The following SIM2 variants were observed in gnomAD, a reference collection of about 807,000 sequenced individuals.
SIM2 encodes the protein single-minded homolog 2.
SIM2 carries 28 observed loss-of-function variants against 64.8 expected under a neutral mutation model. The observed-to-expected ratio is 0.43, with a 90% CI of 0.32 to 0.59. The LOEUF is 0.59. SIM2 is among the 20% of genes least tolerant of loss of function. The probability of loss-of-function intolerance (pLI) is 0.07; values close to 1 mark genes in which losing one functional copy is unlikely to be tolerated. For synonymous variants in SIM2, 408 were observed against 391.1 expected (o/e 1.04, Z -0.51); for missense variants, 847 against 871.4 (o/e 0.97, Z 0.35).
Position 36,747,086 on chromosome 21 carries a change from G to C in SIM2, c.1577-579G>C, listed in dbSNP as rs1466272866. Among the ~76,000 whole-genome samples the C allele has an allele frequency of 1.4e-5, 2 of 138,972 alleles. No individual in the cohort carries two copies. The highest frequency in any genetic ancestry group is 5.7e-5 in the African/African-American group (2 of 34,906). The allele number at this position is 138,972 out of a possible 152,430, so 91.2% of individuals were successfully genotyped here. On this transcript the variant is annotated intron_variant, in intron 10 of 10. Transcript: ENST00000290399. The surrounding 1 kb of genome is among the most constrained non-coding windows in gnomAD (Gnocchi z 4.5). Reference sequence around the variant, plus strand: ...CAAGCCAGGGAGCTACTTAATGTCAGGCATCGGACTGAGTAGATGGGAGTG... The same window carrying C: ...CAAGCCAGGGAGCTACTTAATGTCACGCATCGGACTGAGTAGATGGGAGTG...
At position 36,744,768 on chromosome 21, in the gene SIM2, A is replaced by G; in HGVS notation, c.1208A>G (p.Gln403Arg). The stretch of plus-strand genomic sequence containing the variant: ...CAAATGGACAAACTGGAATGCGGCC[A>G]GCTCGGAAACTGGAGAGCCAGTCCC... ...SFQMDKLECG[Q>R]LGNWRASPPA... Residue 403 changes from glutamine to arginine, a missense_variant, in exon 10 of 11, where the codon CAG becomes CGG. Gln to Arg is a conservative substitution (Grantham distance 43). Coordinates refer to ENST00000290399, the MANE Select transcript of SIM2 (RefSeq NM_005069.6). 6.2e-7 allele frequency: 1 copy of G among 1,612,068 alleles called. No individual in the cohort carries two copies. The highest frequency in any genetic ancestry group is 8.5e-7 in the Non-Finnish European group (1 of 1,179,090).
At chr21:36,717,080 G>C (rs367879891) in intron 3 of SIM2, among the ~76,000 whole-genome samples, 1 of 152,024 alleles carries the variant, frequency 6.6e-6, no homozygotes, top group Non-Finnish European at 1.5e-5. Flanking sequence ...TCACAGACTC[G>C]AGCCTTCAGA....
chr21:36,721,791 G>A (rs985792399), intron 4 of SIM2, among the ~76,000 whole-genome samples: 4 of 152,000 alleles, frequency 2.6e-5, no homozygotes, highest in African/African-American at 7.3e-5. Flanking sequence ...CCCTACCCCC[G>A]GTTTCATTTT....
At chr21:36,722,327 G>A (rs1165226219) in intron 4 of SIM2, among the ~76,000 whole-genome samples, 1 of 152,190 alleles carries the variant, frequency 6.6e-6, no homozygotes, top group Non-Finnish European at 1.5e-5. Flanking sequence ...CCACAGGGCA[G>A]TGACCTCAGG....
chr21:36,723,482 C>T (rs554180271), intron 5 of SIM2, among the ~76,000 whole-genome samples: 67 of 152,324 alleles, frequency 4.4e-4, no homozygotes, highest in Admixed American at 1.2e-3. Context: ...CAGTGGTATC[C>T]AGAGCACGGA....
At position 36,746,561 on chromosome 21, in the gene SIM2, C is replaced by T. The variant is rs532693226; in HGVS notation, c.1577-1104C>T. ...AGAGATAGATTACGGGAGAATGCCG[C>T]CTTTCTGGAAATCACTAGGACATGT... On this transcript the variant is annotated intron_variant, in intron 10 of 10. Transcript: ENST00000290399. 3.9e-5 allele frequency among the ~76,000 whole-genome samples: 6 copies of T among 152,308 alleles called. No homozygotes were observed. The South Asian group carries it at 8.3e-4, about 21-fold the overall frequency.
Position 36,731,315 on chromosome 21 carries a change from C to T in SIM2, c.850+164C>T, listed in dbSNP as rs188248879. Among the ~76,000 whole-genome samples, 56 of 152,292 alleles carry T rather than the reference C, an allele frequency of 3.7e-4. No homozygotes were observed. In the East Asian group the frequency reaches 9.1e-3, roughly 25 times the overall value. Reference sequence around the variant, plus strand: ...GCTTCCTCCACCCCGTGATTAAGTACGGCTGCCTGTTGTCGGTTCTCAAGC... The same window carrying T: ...GCTTCCTCCACCCCGTGATTAAGTATGGCTGCCTGTTGTCGGTTCTCAAGC... On this transcript the variant is annotated intron_variant, in intron 7 of 10. Transcript: ENST00000290399.
Position 36,699,802 on chromosome 21 carries a change from A to G in SIM2, c.56A>G (p.Glu19Gly). ...ACCAGGAGGGAGAAGGAAAATGGCG[A>G]GTTTTACGAGCTTGCCAAGCTGCTC... ...AKTRREKENG[E>G]FYELAKLLPL... Residue 19 changes from glutamate to glycine, a missense_variant, in exon 1 of 11, where the codon GAG becomes GGG. Glu to Gly is a moderately conservative substitution (Grantham distance 98, BLOSUM62 -2). Transcript: ENST00000290399. This position sits in a 1 kb window ranked among gnomAD's most constrained non-coding sequence, Gnocchi z 5.6. The G allele has an allele frequency of 1.2e-6, 2 of 1,612,666 alleles. No individual in the cohort carries two copies. Among genetic ancestry groups the G allele is most frequent in the Non-Finnish European group, 1.7e-6 (2 of 1,179,384 alleles).
In SIM2 at chr21:36,711,136, TA is replaced by T. The variant is rs562579710; in HGVS notation, c.259-1396del. 3.7e-3 allele frequency among the ~76,000 whole-genome samples: 564 copies of T among 152,322 alleles called. 5 individuals carry two copies. The highest frequency in any genetic ancestry group is 0.01 in the Middle Eastern group (3 of 294). ...ACCCAACATTTTCCATTAAGAATAT[TA>T]TTTTTTTAGCTACTGCTGGCAACTT... On this transcript the variant is annotated intron_variant, in intron 2 of 10. Coordinates refer to ENST00000290399, the MANE Select transcript of SIM2 (RefSeq NM_005069.6).
rs1416754540 is a variant in SIM2 at position 36,749,110 on chromosome 21, T to C, written c.*1018T>C. ...ACAGCGAGAAAACTTCGTAAGAACATGTTACGTGTGCAACAGGTAAACAGA... is the reference window on the plus strand; with the variant it reads ...ACAGCGAGAAAACTTCGTAAGAACACGTTACGTGTGCAACAGGTAAACAGA... On this transcript the variant is annotated 3_prime_UTR_variant, in exon 11 of 11. Coordinates refer to ENST00000290399, the MANE Select transcript of SIM2 (RefSeq NM_005069.6). 2.0e-5 allele frequency: 3 copies of C among 152,802 alleles called. No individual in the cohort carries two copies. In the East Asian group the frequency reaches 5.8e-4, roughly 29 times the overall value. The allele number at this position is 152,802 out of a possible 1,614,324, so 9.5% of individuals were successfully genotyped here.
At chr21:36,729,663 G>A (rs952845064) in intron 6 of SIM2, among the ~76,000 whole-genome samples, 2 of 151,916 alleles carry the variant, frequency 1.3e-5, no homozygotes, top group African/African-American at 4.8e-5. Context: ...CCCCAGGACT[G>A]ACTGCACCAT....
At chr21:36,735,521 C>T (rs746530398) in intron 7 of SIM2, among the ~76,000 whole-genome samples, 3 of 152,254 alleles carry the variant, frequency 2.0e-5, no homozygotes, top group African/African-American at 7.2e-5. Context: ...GGAAGCCCAT[C>T]CCCCACACTC....
In SIM2 at chr21:36,746,025, T is replaced by C. The variant is rs1457046601; in HGVS notation, c.1576+889T>C. On this transcript the variant is annotated intron_variant, in intron 10 of 10. Coordinates refer to ENST00000290399, the MANE Select transcript of SIM2 (RefSeq NM_005069.6). ...GTGGGTGAAGGTGACATCAGGATTATGTGCCCCAGGCCGGGCTCAGTGGCT... is the reference window on the plus strand; with the variant it reads ...GTGGGTGAAGGTGACATCAGGATTACGTGCCCCAGGCCGGGCTCAGTGGCT... The C allele has an allele frequency of 2.6e-6, 3 of 1,153,898 alleles. No individual in the cohort carries two copies. The Admixed American group carries it at 8.9e-5, about 34-fold the overall frequency. 71.5% of individuals were successfully genotyped at this position (1,153,898 alleles called of 1,614,324 possible). A position where few individuals can be genotyped will look rare whatever the true frequency, so the allele number is the denominator to read the frequency against.
At position 36,714,213 on chromosome 21, in the gene SIM2, A is replaced by T. The variant is rs1204902637; in HGVS notation, c.348+1591A>T. On this transcript the variant is annotated intron_variant, in intron 3 of 10. Transcript: ENST00000290399. ...CTAGTTTCTACTTCTGACTTGGCCCAATTACTTACCTTTTTTAGTCATTTA... is the reference window on the plus strand; with the variant it reads ...CTAGTTTCTACTTCTGACTTGGCCCTATTACTTACCTTTTTTAGTCATTTA... Among the ~76,000 whole-genome samples, 5 of 152,306 alleles carry T rather than the reference A, an allele frequency of 3.3e-5. No individual in the cohort carries two copies. In the East Asian group the frequency reaches 7.7e-4, roughly 24 times the overall value.
At chr21:36,725,782 G>A (rs1292666979) in intron 5 of SIM2, among the ~76,000 whole-genome samples, 1 of 152,030 alleles carries the variant, frequency 6.6e-6, no homozygotes, top group Non-Finnish European at 1.5e-5. Context: ...CACCATGCCC[G>A]GATAATTTTT....
chr21:36,745,370 C>G lies in SIM2; in HGVS notation c.1576+234C>G, dbSNP rs2089217226. The G allele has an allele frequency of 7.1e-7, 1 of 1,400,804 alleles. No homozygotes were observed. The highest frequency in any genetic ancestry group is 1.5e-5 in the African/African-American group (1 of 68,780). 86.8% of individuals were successfully genotyped at this position (1,400,804 alleles called of 1,614,324 possible). ...GGGACACTAGTGACAGTATAAAGGG[C>G]AAAGGAAAACCGAGTATCTGGCCTT... On this transcript the variant is annotated intron_variant, in intron 10 of 10. Transcript: ENST00000290399. The surrounding 1 kb of genome is among the most constrained non-coding windows in gnomAD (Gnocchi z 4.8).
chr21:36,737,961 C>CAAAAAAAAAAAAAAA (rs61252184), intron 7 of SIM2, among the ~76,000 whole-genome samples: 12 of 34,124 alleles, frequency 3.5e-4, no homozygotes, highest in African/African-American at 7.5e-4. Context: ...GACCCTGTCT[C>CAAAAAAAAAAAAAAA]AAAAAAAAAA....
At position 36,745,542 on chromosome 21, in the gene SIM2, T is replaced by C; in HGVS notation, c.1576+406T>C. The C allele has an allele frequency of 8.9e-7, 1 of 1,119,440 alleles. No individual in the cohort carries two copies. The allele number at this position is 1,119,440 out of a possible 1,614,324, so 69.3% of individuals were successfully genotyped here. On this transcript the variant is annotated intron_variant, in intron 10 of 10. Coordinates refer to ENST00000290399, the MANE Select transcript of SIM2 (RefSeq NM_005069.6). This position sits in a 1 kb window ranked among gnomAD's most constrained non-coding sequence, Gnocchi z 4.8. Reference sequence around the variant, plus strand: ...AAGTGAATATTTGAGACAAACGGCCTATTGGCTATTTTCCCATGCCAGTTT... The same window carrying C: ...AAGTGAATATTTGAGACAAACGGCCCATTGGCTATTTTCCCATGCCAGTTT...
intron 7 of SIM2, among the ~76,000 whole-genome samples, chr21:36,731,527 A>C (rs1452327805): frequency 6.6e-6 from 1 of 152,192 alleles, no homozygotes; most frequent in Admixed American, 6.5e-5. Flanking sequence ...GTGACTAAAT[A>C]CATTACCAGC....
Sources: allele counts gnomAD v4.1 joint callset (sites outside exome capture counted in the v4.1 genomes callset), GRCh38; gene constraint gnomAD v4.1.1; non-coding constraint Gnocchi (gnomAD v3.1); transcripts MANE v1.5; gene names NCBI Gene and HGNC (gene_info 2026-07-23, HGNC 2026-07-21).